RPH3A: variants seen among roughly 807,000 people sequenced by gnomAD.
RPH3A encodes rabphilin 3A.
A neutral mutation model predicts 102.2 loss-of-function variants in RPH3A; 48 were observed. The ratio of observed to expected loss-of-function variants is 0.47; its 90% CI spans 0.37 to 0.60. The LOEUF is 0.60. Ranked by LOEUF, RPH3A falls within the 20% of genes least tolerant of loss-of-function variation. The probability of loss-of-function intolerance (pLI) is 0.00; values close to 1 mark genes in which losing one functional copy is unlikely to be tolerated. For missense variants in RPH3A, 781 were observed against 910.1 expected (o/e 0.86, Z 1.83); for synonymous variants, 310 against 324.3 (o/e 0.96, Z 0.47).
chr12:112,765,975 C>G (rs766096797), intron 1 of RPH3A, among the ~76,000 whole-genome samples: 2 of 152,200 alleles, frequency 1.3e-5, no homozygotes, highest in South Asian at 2.1e-4. Context: ...GGACCCTTCC[C>G]CATACACATG....
At chr12:112,777,293 A>ATTT (rs2040975137) in intron 1 of RPH3A, among the ~76,000 whole-genome samples, 1 of 152,220 alleles carries the variant, frequency 6.6e-6, no homozygotes, top group South Asian at 2.1e-4. Context: ...TAATATTATT[A>ATTT]TTAATTTGGG....
chr12:112,814,126 T>C (rs1235193872), intron 2 of RPH3A, among the ~76,000 whole-genome samples: 1 of 151,538 alleles, frequency 6.6e-6, no homozygotes, highest in African/African-American at 2.4e-5. Context: ...GGTGGGGATG[T>C]GAGTGTGTGT....
At position 112,648,042 on chromosome 12, in the gene RPH3A, A is replaced by G. The variant is rs145655198; in HGVS notation, c.-140+72723A>G. Among the ~76,000 whole-genome samples the G allele has an allele frequency of 2.5e-4, 38 of 152,290 alleles. No homozygotes were observed. In the East Asian group the frequency reaches 6.2e-3, roughly 25 times the overall value. On this transcript the variant is annotated intron_variant, in intron 1 of 21. Coordinates refer to the RPH3A transcript ENST00000543106. ...TAAAAAATCAATTTGGTTTTCTTCT[A>G]TGTTGAAAGGAATATGTCTATAATC...
At chr12:112,627,929 G>A (rs1310583255) in intron 1 of RPH3A, among the ~76,000 whole-genome samples, 1 of 150,256 alleles carries the variant, frequency 6.7e-6, no homozygotes, top group African/African-American at 2.5e-5. Flanking sequence ...GACAATCAGG[G>A]CGGAAGGCAA....
At chr12:112,754,071 A>G (rs573339786) in intron 1 of RPH3A, among the ~76,000 whole-genome samples, 1 of 152,292 alleles carries the variant, frequency 6.6e-6, no homozygotes. Context: ...GAAGGAGTGC[A>G]GCGCTGACAA....
chr12:112,628,171 C>T (rs1309210582), intron 1 of RPH3A, among the ~76,000 whole-genome samples: 2 of 151,958 alleles, frequency 1.3e-5, no homozygotes, highest in Non-Finnish European at 2.9e-5. Flanking sequence ...AAATCCAAAC[C>T]ATATCACAAG....
chr12:112,728,592 G>A (rs752900379), intron 1 of RPH3A, among the ~76,000 whole-genome samples: 7 of 152,020 alleles, frequency 4.6e-5, no homozygotes, highest in Admixed American at 6.5e-5. Flanking sequence ...GACTGTTCCC[G>A]GTATTTAACC....
chr12:112,769,170 A>C (rs2040911499), intron 1 of RPH3A, among the ~76,000 whole-genome samples: 2 of 152,172 alleles, frequency 1.3e-5, no homozygotes, highest in Non-Finnish European at 1.5e-5. Flanking sequence ...ACCTATAATA[A>C]ACTTTCTGAG....
At chr12:112,723,062 G>T (rs1304005725) in intron 1 of RPH3A, among the ~76,000 whole-genome samples, 1 of 152,180 alleles carries the variant, frequency 6.6e-6, no homozygotes, top group East Asian at 1.9e-4. Flanking sequence ...TTTACAATTT[G>T]CCGAAATTGT....
intron 2 of RPH3A, among the ~76,000 whole-genome samples, chr12:112,821,199 A>C (rs1480218609): frequency 2.6e-5 from 4 of 152,206 alleles, no homozygotes; most frequent in African/African-American, 9.7e-5. Flanking sequence ...TAGACAAAGC[A>C]GGAGGTCGCC....
At chr12:112,881,968 T>G in intron 15 of RPH3A, 122 bp downstream of exon 15, 1 of 662,130 alleles carries the variant, frequency 1.5e-6, no homozygotes, top group Non-Finnish European at 2.6e-6. Context: ...CACCTCATCC[T>G]GTGAGTAGCA....
chr12:112,793,666 G>C (rs1424509914), intron 2 of RPH3A, among the ~76,000 whole-genome samples: 1 of 152,198 alleles, frequency 6.6e-6, no homozygotes, highest in South Asian at 2.1e-4. Flanking sequence ...TCCTCACTGG[G>C]AAGACTTGAG....
Position 112,866,762 on chromosome 12 carries a change from C to T in RPH3A, c.366C>T (p.Val122=). Residue 122 remains valine (V), a synonymous_variant, in exon 7 of 22, where the codon GTC becomes GTT. Transcript: ENST00000389385. ...CVVCEDCKKN[V]CTKCGVETNN... ...TGGCTGTGTTTCATCCACAGAACGT[C>T]TGCACCAAGTGCGGAGTGGAGACCA... The T allele has an allele frequency of 6.2e-7, 1 of 1,609,158 alleles. No homozygotes were observed. Among genetic ancestry groups the T allele is most frequent in the Non-Finnish European group, 8.5e-7 (1 of 1,176,830 alleles).
intron 1 of RPH3A, among the ~76,000 whole-genome samples, chr12:112,660,171 CATAA>C (rs2040040024): frequency 6.6e-6 from 1 of 152,082 alleles, no homozygotes; most frequent in East Asian, 1.9e-4. Context: ...TAAATATATA[CATAA>C]ATAAATATAC....
intron 2 of RPH3A, among the ~76,000 whole-genome samples, chr12:112,808,275 G>A (rs993039315): frequency 3.3e-5 from 5 of 152,196 alleles, no homozygotes; most frequent in African/African-American, 1.2e-4. Flanking sequence ...TATGAAACCA[G>A]CTCTGCAGCC....
At chr12:112,828,119 G>T (rs1445137974) in intron 2 of RPH3A, among the ~76,000 whole-genome samples, 182 bp from the exon 3 acceptor site, 1 of 152,126 alleles carries the variant, frequency 6.6e-6, no homozygotes, top group African/African-American at 2.4e-5. Context: ...CGGGGTAGCT[G>T]TGACTTCCAG....
At chr12:112,875,349 G>A (rs941374070) in intron 11 of RPH3A, among the ~76,000 whole-genome samples, 179 bp downstream of exon 11, 2 of 152,108 alleles carry the variant, frequency 1.3e-5, no homozygotes, top group African/African-American at 4.8e-5. Context: ...AGCTGGGCAG[G>A]GAGTGGGAGG....
chr12:112,795,389 T>G (rs895964484), intron 2 of RPH3A, among the ~76,000 whole-genome samples: 3 of 152,228 alleles, frequency 2.0e-5, no homozygotes, highest in Admixed American at 2.0e-4. Context: ...CCAGTCATGG[T>G]GGGCTGAAGC....
chr12:112,847,551 G>A, intron 4 of RPH3A, 145 bp from the exon 5 acceptor site: 2 of 840,632 alleles, frequency 2.4e-6, no homozygotes, highest in Non-Finnish European at 3.8e-6. Flanking sequence ...AGGGAAGTAT[G>A]TGTGTCCCAT....
Sources: allele counts gnomAD v4.1 joint callset (sites outside exome capture counted in the v4.1 genomes callset), GRCh38; gene constraint gnomAD v4.1.1; transcripts MANE v1.5; gene names NCBI Gene and HGNC (gene_info 2026-07-23, HGNC 2026-07-21).